SMARCA2: variants seen among roughly 807,000 people sequenced by gnomAD.
SMARCA2 encodes the protein SWI/SNF-related matrix-associated actin-dependent regulator of chromatin subfamily A member 2.
SMARCA2 carries 61 observed loss-of-function variants against 199.8 expected under a neutral mutation model. The observed-to-expected ratio is 0.31, with a 90% CI of 0.25 to 0.38. The LOEUF is 0.38. SMARCA2 is among the 10% of genes least tolerant of loss of function. The pLI is 1.00. For missense variants in SMARCA2, 1,344 were observed against 2,012.2 expected (o/e 0.67, Z 6.35); for synonymous variants, 935 against 732.0 (o/e 1.28, Z -4.48).
chr9:2,192,730 T>C lies in SMARCA2; in HGVS notation c.4764T>C (p.Asp1588=). 1 of 1,609,330 alleles carries C rather than the reference T, an allele frequency of 6.2e-7. No individual in the cohort carries two copies. The part of the protein sequence containing the change: ...EREQSEGSGT[D]DE ...AACAGTCAGAAGGAAGTGGGACGGA[T>C]GATGAGTGATCAGTATGGACCTTTT... Residue 1588 remains aspartate, a synonymous_variant, in exon 34 of 34, where the codon GAT becomes GAC. Transcript: ENST00000349721.
chr9:2,080,433 A>G (rs1821515510), intron 14 of SMARCA2, among the ~76,000 whole-genome samples: 1 of 152,022 alleles, frequency 6.6e-6, no homozygotes, highest in African/African-American at 2.4e-5. Context: ...CCCTTTACCA[A>G]TTTTCTCTAA....
At chr9:2,151,966 C>T (rs1476399731) in intron 27 of SMARCA2, among the ~76,000 whole-genome samples, 2 of 152,064 alleles carry the variant, frequency 1.3e-5, no homozygotes, top group African/African-American at 4.8e-5. Flanking sequence ...AAAAATCCTG[C>T]TTAGTGTGAC....
chr9:2,129,134 C>G (rs1490649549), intron 27 of SMARCA2, among the ~76,000 whole-genome samples: 6 of 152,156 alleles, frequency 3.9e-5, no homozygotes, highest in African/African-American at 1.4e-4. Context: ...ATCAAGAGAA[C>G]TAGGCCAGGC....
rs552233443 is a variant in SMARCA2, at chr9:2,090,196, A to G, written c.2883+1583A>G. ...CTTTCTACAAGAGAAGTTCCTGAGT[A>G]TACTTGAAGGATGATAAAATTTTTA... On this transcript the variant is annotated intron_variant, in intron 19 of 33. Coordinates refer to ENST00000349721, the MANE Select transcript of SMARCA2 (RefSeq NM_003070.5). Among the ~76,000 whole-genome samples the G allele has an allele frequency of 2.0e-5, 3 of 152,330 alleles. No individual in the cohort carries two copies. In the South Asian group the frequency reaches 6.2e-4, roughly 32 times the overall value.
intron 28 of SMARCA2, among the ~76,000 whole-genome samples, chr9:2,168,338 G>C (rs570369081): frequency 6.6e-6 from 1 of 152,270 alleles, no homozygotes; most frequent in Non-Finnish European, 1.5e-5. Context: ...TTACATTATA[G>C]CAGCTTTCCA....
At chr9:2,158,032 G>T (rs1267416554) in intron 27 of SMARCA2, 1 of 393,122 alleles carries the variant, frequency 2.5e-6, no homozygotes, top group Non-Finnish European at 4.5e-6. Context: ...CTGTCAGAAC[G>T]TGCACGCCGC....
At chr9:2,032,818 C>CT (rs1403160850) in intron 2 of SMARCA2, 134 bp from the exon 3 acceptor site, 6 of 702,252 alleles carry the variant, frequency 8.5e-6, no homozygotes, top group Non-Finnish European at 1.4e-5. Flanking sequence ...GGTCTAGTCT[C>CT]TTTTTTTAAC....
chr9:2,114,808 A>G (rs192110711), intron 24 of SMARCA2, among the ~76,000 whole-genome samples: 1 of 152,300 alleles, frequency 6.6e-6, no homozygotes, highest in Admixed American at 6.5e-5. Flanking sequence ...TAACACCTAT[A>G]ATCTTATCAC....
At chr9:2,060,118 C>CAAAAAAAAAAAAAAAAAAAAAAAAAAAAA (rs372329238) in intron 8 of SMARCA2, among the ~76,000 whole-genome samples, 1 of 62,388 alleles carries the variant, frequency 1.6e-5, no homozygotes, top group African/African-American at 4.4e-5. Context: ...GATCTGTGGC[C>CAAAAAAAAAAAAAAAAAAAAAAAAAAAAA]AAAAAAAAAA....
intron 19 of SMARCA2, among the ~76,000 whole-genome samples, chr9:2,090,459 CTT>C (rs1822004916): frequency 6.6e-6 from 1 of 152,172 alleles, no homozygotes; most frequent in Non-Finnish European, 1.5e-5. Context: ...TTCTCCATCT[CTT>C]ACTATGTGAA....
chr9:2,102,096 C>G (rs1449732171), intron 22 of SMARCA2, among the ~76,000 whole-genome samples: 1 of 151,812 alleles, frequency 6.6e-6, no homozygotes, highest in Non-Finnish European at 1.5e-5. Flanking sequence ...AGAATCTTGA[C>G]TTGCAACAAC....
At position 2,039,437 on chromosome 9, in the gene SMARCA2, C is replaced by T; in HGVS notation, c.356-29C>T. 6.3e-7 allele frequency: 1 copy of T among 1,596,992 alleles called. No individual in the cohort carries two copies. The highest frequency in any genetic ancestry group is 8.5e-7 in the Non-Finnish European group (1 of 1,169,600). On this transcript the variant is annotated intron_variant, in intron 3 of 33. Transcript: ENST00000349721. The surrounding 1 kb of genome is among the most constrained non-coding windows in gnomAD (Gnocchi z 4.8). ...CTCTTTCAGGGTTGTCAGGGGCAGC[C>T]TGTGATTTCCTTTTGTGTTTTATTT...
chr9:2,163,204 G>A (rs1278841021), intron 28 of SMARCA2, among the ~76,000 whole-genome samples: 1 of 152,188 alleles, frequency 6.6e-6, no homozygotes, highest in Non-Finnish European at 1.5e-5. Flanking sequence ...AGGTGGAGAT[G>A]TTTGTCAAAA....
Position 2,161,679 on chromosome 9 carries a change from C to G in SMARCA2, c.3982-7C>G. ...TTGAATTTGTCTCCTTTGTTTCCAACGAACAGGCCATCGAAGACGGCAATT... is the reference window on the plus strand; with the variant it reads ...TTGAATTTGTCTCCTTTGTTTCCAAGGAACAGGCCATCGAAGACGGCAATT... On this transcript the variant is annotated splice_region_variant and splice_polypyrimidine_tract_variant and intron_variant, in intron 27 of 33. Transcript: ENST00000349721. The surrounding 1 kb of genome is among the most constrained non-coding windows in gnomAD (Gnocchi z 4.7). 1.9e-6 allele frequency: 3 copies of G among 1,605,928 alleles called. No homozygotes were observed. The highest frequency in any genetic ancestry group is 2.6e-6 in the Non-Finnish European group (3 of 1,173,894).
In SMARCA2 at chr9:2,192,811, A is replaced by G; in HGVS notation, c.*72A>G. On this transcript the variant is annotated 3_prime_UTR_variant, in exon 34 of 34. Transcript: ENST00000349721. Reference sequence around the variant, plus strand: ...TGTCTCATTTCTACCCAGTGAGTTCATTTGTCATATAGGCACTGGGTTGTT... The same window carrying G: ...TGTCTCATTTCTACCCAGTGAGTTCGTTTGTCATATAGGCACTGGGTTGTT... 1.8e-6 allele frequency: 2 copies of G among 1,101,394 alleles called. No individual in the cohort carries two copies. Among genetic ancestry groups the G allele is most frequent in the Non-Finnish European group, 2.8e-6 (2 of 715,070 alleles). The allele number at this position is 1,101,394 out of a possible 1,614,324, so 68.2% of individuals were successfully genotyped here.
intron 3 of SMARCA2, among the ~76,000 whole-genome samples, chr9:2,038,281 GTGGTA>G (rs1819421128): frequency 6.6e-6 from 1 of 152,192 alleles, no homozygotes. Flanking sequence ...TTTAAAAAAT[GTGGTA>G]ACAGTATATA....
intron 27 of SMARCA2, among the ~76,000 whole-genome samples, chr9:2,144,819 C>T (rs1289116730): frequency 6.6e-6 from 1 of 152,206 alleles, no homozygotes; most frequent in Non-Finnish European, 1.5e-5. Context: ...CTCATCTCAC[C>T]TGTTGCTGAT....
At chr9:2,117,866 T>G (rs550700583) in intron 25 of SMARCA2, among the ~76,000 whole-genome samples, 1 of 152,298 alleles carries the variant, frequency 6.6e-6, no homozygotes, top group African/African-American at 2.4e-5. Context: ...GGGGCTTGTG[T>G]CCTGATGTAA....
Position 2,047,379 on chromosome 9 carries a change from A to G in SMARCA2, c.941A>G (p.Gln314Arg), listed in dbSNP as rs1205828553. The G allele has an allele frequency of 1.3e-6, 2 of 1,561,448 alleles. No homozygotes were observed. The highest frequency in any genetic ancestry group is 1.2e-5 in the South Asian group (1 of 85,910). The change falls in exon 5 of 34, where the codon CAG becomes CGG. Residue 314 changes from glutamine (Q) to arginine (R), a missense_variant. Gln to Arg is a conservative substitution (Grantham distance 43). Around this residue, in one of 18 missense-constraint regions of SMARCA2, gnomAD observed 155 missense variants for 260.0 expected, o/e 0.60. Coordinates refer to ENST00000349721, the MANE Select transcript of SMARCA2 (RefSeq NM_003070.5). Reference protein sequence around the residue: ...GPSVPQPAPGQPSPVLQLQQK... With the variant: ...GPSVPQPAPGRPSPVLQLQQK... Reference sequence around the variant, plus strand: ...TCAGTGCCGCAGCCGGCCCCGGGGCAGCCCTCGCCCGTCCTCCAGCTGCAG... The same window carrying G: ...TCAGTGCCGCAGCCGGCCCCGGGGCGGCCCTCGCCCGTCCTCCAGCTGCAG...
Sources: gnomAD v4.1 joint callset for allele counts (sites outside exome capture counted in the v4.1 genomes callset) on GRCh38, gnomAD v4.1.1 for gene constraint, gnomAD v4.1.1 regional missense constraint, Gnocchi (gnomAD v3.1) non-coding constraint, MANE v1.5 for transcripts, NCBI Gene and HGNC (gene_info 2026-07-23, HGNC 2026-07-21) for gene names.